RBMS3: variants seen among roughly 807,000 people sequenced by gnomAD.
RBMS3 encodes the protein RNA binding motif single stranded interacting protein 3.
A neutral mutation model predicts 66.8 loss-of-function variants in RBMS3; 27 were observed. That is an observed-to-expected ratio of 0.40 (90% CI 0.30 to 0.56). The LOEUF (loss-of-function observed/expected upper bound fraction) is 0.56. Ranked by LOEUF, RBMS3 falls within the 20% of genes least tolerant of loss-of-function variation. The pLI is 0.40. For missense variants in RBMS3, 513 were observed against 549.5 expected (o/e 0.93, Z 0.66); for synonymous variants, 188 against 183.0 (o/e 1.03, Z -0.22).
chr3:29,962,949 G>T (rs892512477), intron 12 of RBMS3, among the ~76,000 whole-genome samples: 1 of 150,762 alleles, frequency 6.6e-6, no homozygotes, highest in Admixed American at 6.6e-5. Context: ...ATTTTATTGT[G>T]CATATATTTA....
rs894866392 is a variant in RBMS3, at chr3:29,362,534, C to T, written c.76-72209C>T. On this transcript the variant is annotated intron_variant, in intron 1 of 14. Coordinates refer to ENST00000383767, the MANE Select transcript of RBMS3 (RefSeq NM_001003793.3). ...GGAGGCAGTCTGCCCATTGTCAGAT[C>T]TCACACTCCGTGCTGGGAGAACTAC... is the stretch of plus-strand genomic sequence containing the variant. Among the ~76,000 whole-genome samples the T allele has an allele frequency of 1.4e-4, 21 of 152,172 alleles. 1 individual carries two copies. Among genetic ancestry groups the T allele is most frequent in the Non-Finnish European group, 1.5e-4 (10 of 68,036 alleles).
At chr3:29,968,593 A>G (rs1480342130) in intron 12 of RBMS3, among the ~76,000 whole-genome samples, 2 of 152,156 alleles carry the variant, frequency 1.3e-5, no homozygotes, top group Non-Finnish European at 2.9e-5. Context: ...TAAAGTCGGA[A>G]ACTTCTCCCA....
At chr3:29,367,995 A>G (rs1039461804) in intron 1 of RBMS3, among the ~76,000 whole-genome samples, 3 of 152,322 alleles carry the variant, frequency 2.0e-5, no homozygotes, top group African/African-American at 4.8e-5. Context: ...AAACATTGCT[A>G]CATCTTTCTT....
intron 6 of RBMS3, among the ~76,000 whole-genome samples, chr3:29,797,333 T>G (rs991814869): frequency 6.6e-6 from 1 of 152,166 alleles, no homozygotes; most frequent in Non-Finnish European, 1.5e-5. Flanking sequence ...AGCTTCCAAC[T>G]TTTTTTCTGC....
At chr3:29,899,508 G>GCTTT (rs1405051320) in intron 9 of RBMS3, among the ~76,000 whole-genome samples, 197 bp from the exon 10 acceptor site, 1 of 151,810 alleles carries the variant, frequency 6.6e-6, no homozygotes, top group East Asian at 1.9e-4. Context: ...AGGGGAAGTT[G>GCTTT]CTTTACCTTT....
chr3:29,514,379 A>G (rs1246913235), intron 3 of RBMS3, among the ~76,000 whole-genome samples: 1 of 152,016 alleles, frequency 6.6e-6, no homozygotes, highest in Non-Finnish European at 1.5e-5. Flanking sequence ...CTTGACAAGA[A>G]TGATTTGGGT....
intron 10 of RBMS3, among the ~76,000 whole-genome samples, chr3:29,926,451 T>C (rs2060940741): frequency 6.6e-6 from 1 of 152,208 alleles, no homozygotes; most frequent in African/African-American, 2.4e-5. Context: ...GTGACATATT[T>C]AGGCAACTTG....
intron 1 of RBMS3, among the ~76,000 whole-genome samples, chr3:29,306,080 C>A (rs2033990220): frequency 6.6e-6 from 1 of 151,856 alleles, no homozygotes; most frequent in Non-Finnish European, 1.5e-5. Flanking sequence ...TTCTTTTAGA[C>A]CTTTAGAAAA....
chr3:29,616,840 A>G (rs2048691411), intron 4 of RBMS3: 1 of 152,240 alleles, frequency 6.6e-6, no homozygotes, highest in Non-Finnish European at 1.5e-5. Context: ...TAGAGGAATC[A>G]ATGTTTATGA....
intron 4 of RBMS3, among the ~76,000 whole-genome samples, chr3:29,604,501 C>A (rs1259854391): frequency 6.6e-6 from 1 of 151,922 alleles, no homozygotes; most frequent in Non-Finnish European, 1.5e-5. Context: ...TAGAGTTCTG[C>A]ACATGGTGGG....
chr3:29,729,131 C>T (rs886123508), intron 4 of RBMS3, among the ~76,000 whole-genome samples: 1 of 149,804 alleles, frequency 6.7e-6, no homozygotes, highest in African/African-American at 2.5e-5. Flanking sequence ...TATCCCTCCC[C>T]TACCGCCCCA....
At position 29,592,550 on chromosome 3, in the gene RBMS3, A is replaced by G. The variant is rs1220840328; in HGVS notation, c.399+5345A>G. 2.6e-5 allele frequency among the ~76,000 whole-genome samples: 4 copies of G among 152,302 alleles called. No individual in the cohort carries two copies. The East Asian group carries it at 7.7e-4, about 29-fold the overall frequency. On this transcript the variant is annotated intron_variant, in intron 4 of 14. Coordinates refer to ENST00000383767, the MANE Select transcript of RBMS3 (RefSeq NM_001003793.3). ...TGTGGAGAAATAGGAACTCTTTTAC[A>G]CTGTTGGTGAGACTGTAAACTAGTT...
intron 1 of RBMS3, among the ~76,000 whole-genome samples, chr3:29,395,083 G>C (rs1458877833): frequency 2.0e-5 from 3 of 152,042 alleles, no homozygotes; most frequent in Non-Finnish European, 2.9e-5. Context: ...GGGTTGGGGG[G>C]GTTAATCTGT....
At chr3:29,797,764 G>A (rs2149437504) in intron 6 of RBMS3, 1 of 152,252 alleles carries the variant, frequency 6.6e-6, no homozygotes, top group Non-Finnish European at 1.5e-5. Context: ...TGATCGATAG[G>A]TTAATACTCC....
chr3:29,307,091 G>T (rs1302096329), intron 1 of RBMS3, among the ~76,000 whole-genome samples: 2 of 151,876 alleles, frequency 1.3e-5, no homozygotes, highest in South Asian at 2.1e-4. Context: ...TAAAATTGCT[G>T]CTAGTTCTAT....
intron 3 of RBMS3, among the ~76,000 whole-genome samples, chr3:29,546,767 T>C (rs773622): frequency 0.33 from 49,753 of 151,800 alleles, 8,611 homozygotes; most frequent in Middle Eastern, 0.47. Flanking sequence ...GGTTTTTGAG[T>C]AGACTCATTT....
chr3:29,943,544 G>C (rs990913612), intron 11 of RBMS3, among the ~76,000 whole-genome samples: 2 of 151,686 alleles, frequency 1.3e-5, no homozygotes, highest in Non-Finnish European at 2.9e-5. Flanking sequence ...TCTAGAATTT[G>C]ACACCTTCAA....
chr3:29,704,820 A>C (rs2052800313), intron 4 of RBMS3, among the ~76,000 whole-genome samples: 1 of 152,232 alleles, frequency 6.6e-6, no homozygotes, highest in Non-Finnish European at 1.5e-5. Context: ...ATGTTATTGA[A>C]CTTTGTTTCA....
chr3:29,305,425 T>C (rs2125454380), intron 1 of RBMS3, among the ~76,000 whole-genome samples: 1 of 152,048 alleles, frequency 6.6e-6, no homozygotes, highest in Non-Finnish European at 1.5e-5. Flanking sequence ...CTCAACACAA[T>C]GGTAGGTGCT....
Sources: allele counts gnomAD v4.1 joint callset (sites outside exome capture counted in the v4.1 genomes callset), GRCh38; gene constraint gnomAD v4.1.1; transcripts MANE v1.5; gene names NCBI Gene and HGNC (gene_info 2026-07-23, HGNC 2026-07-21).